SNED1: variants seen among roughly 807,000 people sequenced by gnomAD.
SNED1 encodes the protein sushi, nidogen and EGF like domains 1, also known as sushi, nidogen and EGF-like domain-containing protein 1.
A neutral mutation model predicts 166.7 loss-of-function variants in SNED1; 81 were observed. That is an observed-to-expected ratio of 0.49 (90% CI 0.41 to 0.58). SNED1 has a LOEUF of 0.58. Ranked by LOEUF, SNED1 falls within the 20% of genes least tolerant of loss-of-function variation. The probability of loss-of-function intolerance (pLI) is 0.00; values close to 1 mark genes in which losing one functional copy is unlikely to be tolerated. For synonymous variants in SNED1, 762 were observed against 822.0 expected (o/e 0.93, Z 1.25); for missense variants, 1,604 against 2,000.2 (o/e 0.80, Z 3.78).
intron 8 of SNED1, 124 bp downstream of exon 8, chr2:241,040,537 G>T: frequency 1.5e-6 from 1 of 657,636 alleles, no homozygotes. Context: ...CTCTGGGGTG[G>T]GAGGATGCCT....
intron 16 of SNED1, 99 bp downstream of exon 16, chr2:241,053,425 GC>G: frequency 7.9e-7 from 1 of 1,267,502 alleles, no homozygotes; most frequent in Middle Eastern, 2.7e-4. Flanking sequence ...AAGCCTGGAT[GC>G]CCAGCTCTGA....
In SNED1 at chr2:240,999,069, C is replaced by G; in HGVS notation, c.213+19C>G. ...ACTCTACGTGAGTAACCCCCGGGCT[C>G]GCGGGGCGCCCGGGAGGGGAGGGAG... On this transcript the variant is annotated intron_variant, in intron 1 of 31. Transcript: ENST00000310397. This position sits in a 1 kb window ranked among gnomAD's most constrained non-coding sequence, Gnocchi z 5.8. 7.9e-7 allele frequency: 1 copy of G among 1,262,530 alleles called. No homozygotes were observed. The highest frequency in any genetic ancestry group is 2.4e-5 in the South Asian group (1 of 41,848). 78.2% of individuals were successfully genotyped at this position (1,262,530 alleles called of 1,614,324 possible). A position where few individuals can be genotyped will look rare whatever the true frequency, so the allele number is the denominator to read the frequency against.
At chr2:241,033,623 A>C in intron 2 of SNED1, 112 bp from the exon 3 acceptor site, 1 of 1,253,362 alleles carries the variant, frequency 8.0e-7, no homozygotes, top group South Asian at 1.6e-5. Context: ...ACAGACATTG[A>C]GCAAGCCAGG....
At chr2:241,036,969 G>A in intron 5 of SNED1, 54 bp downstream of exon 5, 7 of 1,560,928 alleles carry the variant, frequency 4.5e-6, no homozygotes, top group Non-Finnish European at 6.1e-6. Flanking sequence ...GGCTCAGGAG[G>A]AGCACTGTAG....
rs12464946 is a variant in SNED1, at chr2:241,063,284, C to A, written c.2372-303C>A. The A allele has an allele frequency of 8.0e-6, 4 of 499,878 alleles. No individual in the cohort carries two copies. In the South Asian group the frequency reaches 8.3e-5, roughly 10 times the overall value. The allele number at this position is 499,878 out of a possible 1,614,324, so 31.0% of individuals were successfully genotyped here. On this transcript the variant is annotated intron_variant, in intron 17 of 31. Coordinates refer to ENST00000310397, the MANE Select transcript of SNED1 (RefSeq NM_001080437.3). ...GGGCTCTAAGCCTGAGAAACGCAGG[C>A]TCCAGGGAGGGCAAGGCCCAGGGAG... is the stretch of plus-strand genomic sequence containing the variant.
chr2:241,023,307 T>C (rs1420141633), intron 1 of SNED1, among the ~76,000 whole-genome samples: 1 of 152,202 alleles, frequency 6.6e-6, no homozygotes, highest in East Asian at 1.9e-4. Flanking sequence ...TATACAGTTA[T>C]TTATATTTCT....
chr2:241,088,121 C>G (rs901949260), intron 30 of SNED1: 4 of 531,698 alleles, frequency 7.5e-6, no homozygotes, highest in Non-Finnish European at 1.3e-5. Flanking sequence ...TCCTCTCTCT[C>G]TCTGACTCAC....
chr2:241,020,677 CTCTACT>C (rs2060744672), intron 1 of SNED1, among the ~76,000 whole-genome samples: 1 of 152,208 alleles, frequency 6.6e-6, no homozygotes, highest in African/African-American at 2.4e-5. Context: ...AAGGGTCACA[CTCTACT>C]TCTACAAGTG....
At chr2:241,088,125 G>A (rs1321272555) in intron 30 of SNED1, 3 of 528,798 alleles carry the variant, frequency 5.7e-6, no homozygotes, top group African/African-American at 1.9e-5. Context: ...CTCTCTCTCT[G>A]ACTCACAGCC....
At chr2:241,019,237 G>C (rs2060694117) in intron 1 of SNED1, among the ~76,000 whole-genome samples, 1 of 152,112 alleles carries the variant, frequency 6.6e-6, no homozygotes, top group African/African-American at 2.4e-5. Context: ...GAGTCTTTCG[G>C]AGTTGATTCT....
At chr2:241,050,435 G>A (rs1364185022) in intron 12 of SNED1, among the ~76,000 whole-genome samples, 3 of 152,098 alleles carry the variant, frequency 2.0e-5, no homozygotes, top group Non-Finnish European at 4.4e-5. Flanking sequence ...CCCCAGACCT[G>A]TTCAGCATCT....
At chr2:241,000,426 G>A (rs930445304) in intron 1 of SNED1, among the ~76,000 whole-genome samples, 5 of 152,204 alleles carry the variant, frequency 3.3e-5, no homozygotes, top group Admixed American at 3.3e-4. Flanking sequence ...AGAGGAACGG[G>A]ACTGACTCCT....
intron 8 of SNED1, among the ~76,000 whole-genome samples, chr2:241,045,713 CA>C (rs35928845): frequency 1.5e-3 from 203 of 133,510 alleles, no homozygotes; most frequent in East Asian, 0.012. Flanking sequence ...AAAACATAGG[CA>C]AAAAAAAAAA....
chr2:241,073,133 C>T lies in SNED1; in HGVS notation c.3818-133C>T. The stretch of plus-strand genomic sequence containing the variant: ...GCTCTGGGGCCGACAGGTGCTGGGG[C>T]CACGCAGGGAGCCTGGTCCCCACCA... On this transcript the variant is annotated intron_variant, in intron 26 of 31. Coordinates refer to ENST00000310397, the MANE Select transcript of SNED1 (RefSeq NM_001080437.3). The surrounding 1 kb of genome is among the most constrained non-coding windows in gnomAD (Gnocchi z 6.6). The T allele has an allele frequency of 1.5e-6, 1 of 650,002 alleles. No individual in the cohort carries two copies. Among genetic ancestry groups the T allele is most frequent in the Non-Finnish European group, 2.7e-6 (1 of 375,990 alleles). 40.3% of individuals were successfully genotyped at this position (650,002 alleles called of 1,614,324 possible).
chr2:241,038,958 C>A lies in SNED1; in HGVS notation c.1046-1117C>A, dbSNP rs534549707. Among the ~76,000 whole-genome samples, 27 of 152,308 alleles carry A rather than the reference C, an allele frequency of 1.8e-4. 1 individual carries two copies. The highest frequency in any genetic ancestry group is 6.5e-4 in the African/African-American group (27 of 41,572). On this transcript the variant is annotated intron_variant, in intron 6 of 31. Transcript: ENST00000310397. ...TCTGTGATGTGCAGCCTGGTGAGGT[C>A]CCCTAAGAGGGCTTGAGGCTTGGCG...
chr2:241,052,861 C>T (rs74357601), intron 15 of SNED1, among the ~76,000 whole-genome samples: 6,904 of 93,786 alleles, frequency 0.074, 690 homozygotes, highest in East Asian at 0.23. Context: ...GCCGGGGGGC[C>T]GAGCAGGGTA....
chr2:241,013,652 T>C lies in SNED1; in HGVS notation c.213+14602T>C, dbSNP rs987303949. Among the ~76,000 whole-genome samples the C allele has an allele frequency of 6.6e-6, 1 of 152,202 alleles. No homozygotes were observed. Among genetic ancestry groups the C allele is most frequent in the Admixed American group, 6.5e-5 (1 of 15,276 alleles). On this transcript the variant is annotated intron_variant, in intron 1 of 31. Transcript: ENST00000310397. This position sits in a 1 kb window ranked among gnomAD's most constrained non-coding sequence, Gnocchi z 4.6. Reference sequence around the variant, plus strand: ...CACCACACCTGGCTGAGTTCAGCTATTTTAGATTCCACATATAAGTGTCTT... The same window carrying C: ...CACCACACCTGGCTGAGTTCAGCTACTTTAGATTCCACATATAAGTGTCTT...
At chr2:241,012,920 C>A (rs1292403061) in intron 1 of SNED1, among the ~76,000 whole-genome samples, 2 of 151,496 alleles carry the variant, frequency 1.3e-5, no homozygotes, top group African/African-American at 4.9e-5. Flanking sequence ...ACTGCAAGCT[C>A]CGCCTCCTGG....
chr2:241,065,367 C>G lies in SNED1; in HGVS notation c.2782C>G (p.Pro928Ala). 1 of 1,613,142 alleles carries G rather than the reference C, an allele frequency of 6.2e-7. No individual in the cohort carries two copies. Among genetic ancestry groups the G allele is most frequent in the East Asian group, 2.2e-5 (1 of 44,854 alleles). Reference protein sequence around the residue: ...EESGVSISWNPPNGPAARQML... With the variant: ...EESGVSISWNAPNGPAARQML... ...GAGTGGGGTCTCTATCTCCTGGAAC[C>G]CGCCCAATGGTCCAGCCGCCAGGCA... is the stretch of plus-strand genomic sequence containing the variant. The change falls in exon 21 of 32, where the codon CCG becomes GCG. Residue 928 changes from proline to alanine, a missense_variant. Pro to Ala is a conservative substitution (Grantham distance 27). Transcript: ENST00000310397.
Sources: gnomAD v4.1 joint callset for allele counts (sites outside exome capture counted in the v4.1 genomes callset) on GRCh38, gnomAD v4.1.1 for gene constraint, Gnocchi (gnomAD v3.1) non-coding constraint, MANE v1.5 for transcripts, NCBI Gene and HGNC (gene_info 2026-07-23, HGNC 2026-07-21) for gene names.